Variants in SPICE1 observed in about 807,000 individuals in gnomAD.
SPICE1 encodes the protein spindle and centriole-associated protein 1.
SPICE1 carries 75 observed loss-of-function variants against 102.7 expected under a neutral mutation model. That is an observed-to-expected ratio of 0.73 (90% CI 0.61 to 0.88). The LOEUF (loss-of-function observed/expected upper bound fraction) is 0.88. Ranked by LOEUF, SPICE1 falls within the 40% of genes least tolerant of loss-of-function variation. SPICE1 has a pLI of 0.00. For missense variants in SPICE1, 979 were observed against 1,020.1 expected, an observed-to-expected ratio of 0.96 and a Z score of 0.55; for synonymous variants, 308 against 350.3, an observed-to-expected ratio of 0.88 and a Z score of 1.35.
At chr3:113,499,706 G>T in intron 3 of SPICE1, 124 bp from the exon 4 acceptor site, 1 of 951,122 alleles carries the variant, frequency 1.1e-6, no homozygotes, top group Non-Finnish European at 1.4e-6. Context: ...ATATGTGCAT[G>T]TTTATATATA....
intron 13 of SPICE1, 108 bp downstream of exon 13, chr3:113,457,028 T>G: frequency 9.4e-7 from 1 of 1,064,474 alleles, no homozygotes; most frequent in Non-Finnish European, 1.4e-6. Context: ...CTATGTGTGG[T>G]AATCAGTGTC....
chr3:113,494,560 T>C (rs1241957865), intron 4 of SPICE1, among the ~76,000 whole-genome samples: 1 of 149,736 alleles, frequency 6.7e-6, no homozygotes, highest in East Asian at 2.0e-4. Flanking sequence ...GGCAGGAGAA[T>C]GGCGTGAACC....
intron 6 of SPICE1, among the ~76,000 whole-genome samples, chr3:113,490,589 T>C (rs1253873060): frequency 1.3e-5 from 2 of 151,314 alleles, no homozygotes; most frequent in African/African-American, 4.9e-5. Context: ...CTGCAGTGAG[T>C]CATGATTGTG....
chr3:113,498,639 A>G (rs1936949056), intron 4 of SPICE1, among the ~76,000 whole-genome samples: 1 of 152,234 alleles, frequency 6.6e-6, no homozygotes, highest in South Asian at 2.1e-4. Flanking sequence ...TCTAAGACTG[A>G]GACTTTATTT....
chr3:113,472,787 C>A (rs181547888), intron 7 of SPICE1, among the ~76,000 whole-genome samples: 6 of 152,276 alleles, frequency 3.9e-5, no homozygotes, highest in African/African-American at 1.2e-4. Flanking sequence ...CCCATCTCTA[C>A]ATCACCAAAA....
chr3:113,445,484 G>A (rs1935491826), intron 17 of SPICE1, 124 bp from the exon 18 acceptor site: 2 of 691,498 alleles, frequency 2.9e-6, no homozygotes, highest in Admixed American at 2.7e-5. Flanking sequence ...AATGGTACTG[G>A]AAATTAAATT....
intron 7 of SPICE1, among the ~76,000 whole-genome samples, chr3:113,475,488 G>C (rs1369407792): frequency 6.6e-6 from 1 of 151,668 alleles, no homozygotes; most frequent in African/African-American, 2.4e-5. Flanking sequence ...CCAAAAAAGA[G>C]AATTTTAGAC....
At chr3:113,463,934 G>A (rs1186253831) in intron 11 of SPICE1, among the ~76,000 whole-genome samples, 1 of 152,140 alleles carries the variant, frequency 6.6e-6, no homozygotes, top group African/African-American at 2.4e-5. Flanking sequence ...CAGGCGTAGT[G>A]GCAGGCGCCT....
rs1218165957 is a variant in SPICE1, at chr3:113,512,687, G to A, written c.-1+2210C>T. Among the ~76,000 whole-genome samples the A allele has an allele frequency of 2.6e-5, 4 of 152,100 alleles. No homozygotes were observed. In the East Asian group the frequency reaches 5.8e-4, roughly 22 times the overall value. ...CTCCCAAAGTGCTGGGATTACAGGC[G>A]TGAGCCACCACACCTGGCCTCTTCT... is the stretch of plus-strand genomic sequence containing the variant. On this transcript the variant is annotated intron_variant, in intron 1 of 17. Transcript: ENST00000295872.
chr3:113,459,697 C>T, intron 12 of SPICE1: 2 of 770,194 alleles, frequency 2.6e-6, no homozygotes, highest in Non-Finnish European at 3.2e-6. Context: ...GGCTGGCCAA[C>T]ATGGTGAAAC....
chr3:113,464,448 G>T (rs1184601751), intron 11 of SPICE1, among the ~76,000 whole-genome samples: 1 of 151,786 alleles, frequency 6.6e-6, no homozygotes, highest in Admixed American at 6.6e-5. Context: ...GTAGAGACAG[G>T]TCTCACTCTG....
chr3:113,511,019 T>G (rs993420758), intron 1 of SPICE1, among the ~76,000 whole-genome samples: 2 of 152,156 alleles, frequency 1.3e-5, no homozygotes, highest in Non-Finnish European at 2.9e-5. Flanking sequence ...AAAGTCAACA[T>G]CACTGATCGT....
intron 2 of SPICE1, among the ~76,000 whole-genome samples, chr3:113,505,343 T>C (rs544977474): frequency 7.9e-5 from 12 of 152,212 alleles, no homozygotes; most frequent in African/African-American, 2.6e-4. Flanking sequence ...TCAGTTTCCT[T>C]ACCTTAGAGT....
chr3:113,474,920 A>G (rs1033435934), intron 7 of SPICE1, among the ~76,000 whole-genome samples: 1 of 152,236 alleles, frequency 6.6e-6, no homozygotes, highest in Non-Finnish European at 1.5e-5. Context: ...GAAGGCAAGA[A>G]ATAACTAAAA....
chr3:113,445,388 T>C (rs764359874), intron 17 of SPICE1, 28 bp from the exon 18 acceptor site: 1 of 1,599,414 alleles, frequency 6.3e-7, no homozygotes, highest in Non-Finnish European at 8.6e-7. Flanking sequence ...GGAAAAAATT[T>C]AGATGGTAAT....
At chr3:113,512,201 C>T (rs1937234428) in intron 1 of SPICE1, among the ~76,000 whole-genome samples, 1 of 152,032 alleles carries the variant, frequency 6.6e-6, no homozygotes, top group Non-Finnish European at 1.5e-5. Flanking sequence ...TTGTTTTAGG[C>T]CACTAAATCT....
intron 15 of SPICE1, chr3:113,449,231 T>C (rs990428299): frequency 6.6e-6 from 1 of 152,254 alleles, no homozygotes; most frequent in Admixed American, 6.5e-5. Context: ...ATCCCAAATA[T>C]TGATTTGTTT....
At chr3:113,493,406 A>G in intron 5 of SPICE1, 94 bp from the exon 6 acceptor site, 1 of 976,806 alleles carries the variant, frequency 1.0e-6, no homozygotes, top group Non-Finnish European at 1.6e-6. Context: ...CATCATATGA[A>G]AATCTTAAAC....
chr3:113,460,129 A>G (rs1430317913), intron 12 of SPICE1: 1 of 985,356 alleles, frequency 1.0e-6, no homozygotes, highest in Admixed American at 6.1e-5. Context: ...ACATGAGATG[A>G]AGGAAGAATT....
Sources: allele counts gnomAD v4.1 joint callset (sites outside exome capture counted in the v4.1 genomes callset), GRCh38; gene constraint gnomAD v4.1.1; transcripts MANE v1.5; gene names NCBI Gene and HGNC (gene_info 2026-07-23, HGNC 2026-07-21).